Variants in MED23 observed in about 807,000 individuals in gnomAD.
The protein encoded by MED23 is mediator of RNA polymerase II transcription subunit 23.
A neutral mutation model predicts 163.9 loss-of-function variants in MED23; 105 were observed. The ratio of observed to expected loss-of-function variants is 0.64; its 90% CI spans 0.55 to 0.75. The LOEUF is 0.75. Ranked by LOEUF, MED23 falls within the 30% of genes least tolerant of loss-of-function variation. MED23 has a pLI of 0.00. For synonymous variants in MED23, 561 were observed against 565.6 expected (o/e 0.99, Z 0.12); for missense variants, 1,054 against 1,649.0 (o/e 0.64, Z 6.25).
intron 20 of MED23, 147 bp from the exon 21 acceptor site, chr6:131,596,835 T>A: frequency 1.3e-6 from 1 of 758,042 alleles, no homozygotes; most frequent in Non-Finnish European, 2.2e-6. Context: ...AACTGTTCAG[T>A]ATTCCCCAAA....
At chr6:131,620,531 C>T in intron 7 of MED23, 97 bp downstream of exon 7, 1 of 806,518 alleles carries the variant, frequency 1.2e-6, no homozygotes, top group Non-Finnish European at 2.1e-6. Flanking sequence ...GAACTCTTGT[C>T]CTCAAATCAT....
At chr6:131,625,302 G>T (rs1026806172) in intron 3 of MED23, among the ~76,000 whole-genome samples, 6 of 152,140 alleles carry the variant, frequency 3.9e-5, no homozygotes, top group African/African-American at 1.2e-4. Context: ...TTGTTGTAAG[G>T]CATTGTAAAC....
In MED23 at chr6:131,605,272, G is replaced by A. The variant is rs749226415; in HGVS notation, c.1581C>T (p.Leu527=). Residue 527 remains leucine, a synonymous_variant, in exon 14 of 29, where the codon CTC becomes CTT. Transcript: ENST00000368068. ...TGGCATGAACTGTCAGTGAATCCAG[G>A]AGGTTCATAGGTAAGGGGGTAATAG... ...SGSITPLPMN[L]LDSLTVHAKM... 2 of 1,613,526 alleles carry A rather than the reference G, an allele frequency of 1.2e-6. No individual in the cohort carries two copies. The highest frequency in any genetic ancestry group is 1.7e-6 in the Non-Finnish European group (2 of 1,179,656).
chr6:131,586,832 A>T lies in MED23; in HGVS notation c.*847T>A. ...CCCCCAAAATTAACAATGTCTCTCA[A>T]AATCCAAGAAATAAAATGTGTACTG... On this transcript the variant is annotated 3_prime_UTR_variant, in exon 29 of 29. Coordinates refer to ENST00000368068, the MANE Select transcript of MED23 (RefSeq NM_004830.4). 1 of 1,515,658 alleles carries T rather than the reference A, an allele frequency of 6.6e-7. No homozygotes were observed. Among genetic ancestry groups the T allele is most frequent in the South Asian group, 1.2e-5 (1 of 82,344 alleles). 93.9% of individuals were successfully genotyped at this position (1,515,658 alleles called of 1,614,324 possible).
chr6:131,600,273 A>C (rs1051209955), intron 17 of MED23, 111 bp from the exon 18 acceptor site: 2 of 1,062,614 alleles, frequency 1.9e-6, no homozygotes, highest in Admixed American at 4.0e-5. Context: ...ACTGCAGTGC[A>C]TTCACTGCTT....
At position 131,600,118 on chromosome 6, in the gene MED23, C is replaced by G; in HGVS notation, c.2140G>C (p.Asp714His). Residue 714 changes from aspartate to histidine, a missense_variant, in exon 18 of 29, where the codon GAC becomes CAC. Physicochemically the swap from Asp to His is moderately conservative, Grantham distance 81 (BLOSUM62 -1). Coordinates refer to ENST00000368068, the MANE Select transcript of MED23 (RefSeq NM_004830.4). ...AAACTCATGATGGTCTGAAGTATGTCTTTACACCAAGTTCCCTGAATTGAA... is the reference window on the plus strand; with the variant it reads ...AAACTCATGATGGTCTGAAGTATGTGTTTACACCAAGTTCCCTGAATTGAA... ...SDSIQGTWCK[D>H]ILQTIMSFTP... 1 of 1,613,240 alleles carries G rather than the reference C, an allele frequency of 6.2e-7. No homozygotes were observed. The highest frequency in any genetic ancestry group is 1.1e-5 in the South Asian group (1 of 91,070).
Position 131,605,386 on chromosome 6 carries a change from T to G in MED23, c.1467A>C (p.Thr489=). Residue 489 remains threonine (T), a synonymous_variant, in exon 14 of 29, where the codon ACA becomes ACC. Coordinates refer to ENST00000368068, the MANE Select transcript of MED23 (RefSeq NM_004830.4). ...NAYSTNSECF[T]LPMGALVETI... ...TTTCTACCAGAGCTCCCATGGGTAA[T>G]GTAAAACATTCTGAATTTGTAGAGT... 1 of 1,613,406 alleles carries G rather than the reference T, an allele frequency of 6.2e-7. No homozygotes were observed. Among genetic ancestry groups the G allele is most frequent in the Non-Finnish European group, 8.5e-7 (1 of 1,179,580 alleles).
chr6:131,605,037 A>G (rs1775755068), intron 14 of MED23, among the ~76,000 whole-genome samples: 1 of 152,216 alleles, frequency 6.6e-6, no homozygotes, highest in African/African-American at 2.4e-5. Flanking sequence ...TGTAGAGATT[A>G]CAACAATTAC....
At chr6:131,612,523 C>T (rs1163636879) in intron 10 of MED23, among the ~76,000 whole-genome samples, 1 of 152,000 alleles carries the variant, frequency 6.6e-6, no homozygotes, top group African/African-American at 2.4e-5. Context: ...GGATGCTATC[C>T]CTATGACTGT....
chr6:131,586,981 A>G lies in MED23; in HGVS notation c.*698T>C, dbSNP rs1314414879. On this transcript the variant is annotated 3_prime_UTR_variant, in exon 29 of 29. Transcript: ENST00000368068. ...TATTTTTAAAAAAAGAAATTGGAGA[A>G]TCAACCATTTAAGCATGATTTTAAG... 6.7e-7 allele frequency: 1 copy of G among 1,492,482 alleles called. No homozygotes were observed. Among genetic ancestry groups the G allele is most frequent in the Admixed American group, 2.3e-5 (1 of 43,864 alleles). 92.5% of individuals were successfully genotyped at this position (1,492,482 alleles called of 1,614,324 possible).
chr6:131,601,839 T>G (rs1258102889), intron 17 of MED23, among the ~76,000 whole-genome samples: 1 of 151,768 alleles, frequency 6.6e-6, no homozygotes, highest in African/African-American at 2.4e-5. Context: ...AAAAACAAAT[T>G]AATAAATATT....
intron 21 of MED23, 100 bp from the exon 22 acceptor site, chr6:131,596,263 G>A: frequency 8.7e-7 from 1 of 1,146,778 alleles, no homozygotes; most frequent in East Asian, 2.5e-5. Flanking sequence ...TTTTTGCAAG[G>A]AAACATTTAA....
rs1777380735 is a variant in MED23 at position 131,625,005 on chromosome 6, A to G, written c.160-16T>C. 2.0e-5 allele frequency: 32 copies of G among 1,612,758 alleles called. No homozygotes were observed. The highest frequency in any genetic ancestry group is 3.3e-4 in the Middle Eastern group (2 of 6,082). ...CATGAGACTCCTGGAAAATGAGAGAATGATTTTACTTGGGGTCTAAAGTTA... is the reference window on the plus strand; with the variant it reads ...CATGAGACTCCTGGAAAATGAGAGAGTGATTTTACTTGGGGTCTAAAGTTA... On this transcript the variant is annotated splice_polypyrimidine_tract_variant and intron_variant, in intron 3 of 28. Coordinates refer to ENST00000368068, the MANE Select transcript of MED23 (RefSeq NM_004830.4).
At chr6:131,626,630 GAGAA>G (rs926406495) in intron 3 of MED23, among the ~76,000 whole-genome samples, 33 of 152,286 alleles carry the variant, frequency 2.2e-4, no homozygotes, top group African/African-American at 7.0e-4. Context: ...GGTAAGAGAA[GAGAA>G]AGAGACTAGT....
intron 30 of MED23, among the ~76,000 whole-genome samples, chr6:131,574,845 A>T (rs941684057): frequency 2.6e-5 from 4 of 151,986 alleles, no homozygotes; most frequent in East Asian, 3.9e-4. Flanking sequence ...CAGTTGGGTT[A>T]AAAAAAAGCC....
chr6:131,599,246 G>A (rs1484271401), intron 18 of MED23, among the ~76,000 whole-genome samples: 2 of 152,154 alleles, frequency 1.3e-5, no homozygotes, highest in East Asian at 3.9e-4. Flanking sequence ...TGGGGGCCCA[G>A]CCAACTGCAG....
chr6:131,605,455 A>T lies in MED23; in HGVS notation c.1398T>A (p.Ser466Arg). The T allele has an allele frequency of 6.2e-7, 1 of 1,605,364 alleles. No homozygotes were observed. Among genetic ancestry groups the T allele is most frequent in the Non-Finnish European group, 8.5e-7 (1 of 1,174,912 alleles). The change falls in exon 14 of 29, where the codon AGT becomes AGA. Residue 466 changes from serine (S) to arginine (R), a missense_variant. Around this residue, in one of 11 missense-constraint regions of MED23, gnomAD observed 39 missense variants for 50.5 expected, o/e 0.77. Coordinates refer to ENST00000368068, the MANE Select transcript of MED23 (RefSeq NM_004830.4). ...EFLQQSLRNK[S>R]LQMNDYKIAL... ...CAATCTTATAGTCATTCATCTGTAAACTTTTATTTCTTAGACTCTGCTGCA... is the reference window on the plus strand; with the variant it reads ...CAATCTTATAGTCATTCATCTGTAATCTTTTATTTCTTAGACTCTGCTGCA...
At chr6:131,591,267 C>T (rs372011540) in intron 26 of MED23, 46 bp downstream of exon 26, 20 of 1,462,912 alleles carry the variant, frequency 1.4e-5, no homozygotes, top group African/African-American at 1.3e-4. Context: ...CATGAACCAC[C>T]GCACCCAGCC....
In MED23 at chr6:131,620,698, CA is replaced by C. The variant is rs757419838; in HGVS notation, c.526del (p.Cys176AlafsTer29). 1 of 1,613,364 alleles carries C rather than the reference CA, an allele frequency of 6.2e-7. No homozygotes were observed. The highest frequency in any genetic ancestry group is 8.5e-7 in the Non-Finnish European group (1 of 1,179,502). ...VIAYILERNA[C>X]LLPAYFAVTE... is the part of the protein sequence containing the mutation. ...GACTGCAAAATAGGCTGGTAATAAGCAGGCATTTCTTTCCAAGATATATGCT... is the reference window on the plus strand; with the variant it reads ...GACTGCAAAATAGGCTGGTAATAAGCGGCATTTCTTTCCAAGATATATGCT... On this transcript the variant is annotated frameshift_variant, in exon 7 of 29. Transcript: ENST00000368068. LOFTEE classifies it high-confidence loss of function.
Sources: allele counts gnomAD v4.1 joint callset (sites outside exome capture counted in the v4.1 genomes callset), GRCh38; gene constraint gnomAD v4.1.1; regional missense constraint gnomAD v4.1.1; transcripts MANE v1.5; gene names NCBI Gene and HGNC (gene_info 2026-07-23, HGNC 2026-07-21).